Variants in VAC14 observed in about 807,000 individuals in gnomAD.
The protein encoded by VAC14 is VAC14 component of PIKFYVE complex.
VAC14 carries 47 observed loss-of-function variants against 85.3 expected under a neutral mutation model. That is an observed-to-expected ratio of 0.55 (90% confidence interval 0.44 to 0.70). The LOEUF (loss-of-function observed/expected upper bound fraction) is 0.70, where lower values mean the gene tolerates loss of function less well. Ranked by LOEUF, VAC14 falls within the 30% of genes least tolerant of loss-of-function variation. VAC14 has a pLI of 0.00. For synonymous variants in VAC14, 447 were observed against 430.5 expected (o/e 1.04, Z -0.47); for missense variants, 861 against 1,004.3 (o/e 0.86, Z 1.93).
chr16:70,786,295 C>A lies in VAC14; in HGVS notation c.175G>T (p.Glu59Ter). The A allele has an allele frequency of 6.2e-7, 1 of 1,614,226 alleles. No homozygotes were observed. Among genetic ancestry groups the A allele is most frequent in the Non-Finnish European group, 8.5e-7 (1 of 1,180,030 alleles). ...TGGGGGTGCTGAGACAGGGCAAACTCCTGGGACAGGGTCTGGATCACATGC... is the reference window on the plus strand; with the variant it reads ...TGGGGGTGCTGAGACAGGGCAAACTACTGGGACAGGGTCTGGATCACATGC... ...IKHVIQTLSQ[E>*]FALSQHPHSR... The change falls in exon 2 of 19, where the codon GAG (glutamate) becomes TAG (stop). Residue 59 changes from glutamate to a stop codon, truncating the protein, a stop_gained. Coordinates refer to ENST00000261776, the MANE Select transcript of VAC14 (RefSeq NM_018052.5). LOFTEE classifies it high-confidence loss of function.
intron 13 of VAC14, among the ~76,000 whole-genome samples, chr16:70,742,806 G>C (rs1336024445): frequency 6.6e-6 from 1 of 152,264 alleles, no homozygotes; most frequent in African/African-American, 2.4e-5. Flanking sequence ...GGGAGGCTGA[G>C]GCTGTAAGGC....
At chr16:70,689,417 G>C (rs2053558296) in intron 18 of VAC14, 1 of 985,260 alleles carries the variant, frequency 1.0e-6, no homozygotes, top group African/African-American at 1.7e-5. Context: ...CGAACTCTTG[G>C]CCATGAGTTC....
chr16:70,776,245 T>A (rs1017701849), intron 9 of VAC14, among the ~76,000 whole-genome samples: 3 of 151,952 alleles, frequency 2.0e-5, no homozygotes. Flanking sequence ...TGACTAAAGG[T>A]GTGTGCCACC....
chr16:70,775,936 A>G (rs1472412512), intron 9 of VAC14, among the ~76,000 whole-genome samples: 4 of 152,154 alleles, frequency 2.6e-5, no homozygotes, highest in Non-Finnish European at 5.9e-5. Context: ...AGGTTCTACC[A>G]ATTTATGTGT....
At chr16:70,692,183 G>T in intron 18 of VAC14, 1 of 737,654 alleles carries the variant, frequency 1.4e-6, no homozygotes, top group Non-Finnish European at 1.7e-6. Flanking sequence ...GTGGGAGCCG[G>T]CACTCCTCTG....
At chr16:70,788,087 C>G (rs1451891087) in intron 1 of VAC14, among the ~76,000 whole-genome samples, 1 of 152,212 alleles carries the variant, frequency 6.6e-6, no homozygotes, top group African/African-American at 2.4e-5. Flanking sequence ...CAAATGGGGT[C>G]TCAAGTTGAC....
intron 14 of VAC14, among the ~76,000 whole-genome samples, chr16:70,701,522 C>T (rs2053828303): frequency 6.6e-6 from 1 of 150,666 alleles, no homozygotes; most frequent in South Asian, 2.1e-4. Context: ...TACACGGCCA[C>T]CCTGCCCCAC....
At chr16:70,697,546 T>C (rs2053738651) in intron 15 of VAC14, among the ~76,000 whole-genome samples, 3 of 152,034 alleles carry the variant, frequency 2.0e-5, no homozygotes, top group Non-Finnish European at 4.4e-5. Context: ...CTTGGCAAAA[T>C]CACAGTAATT....
Position 70,688,097 on chromosome 16 carries a change from A to G in VAC14, c.2187-7T>C, listed in dbSNP as rs2053532637. On this transcript the variant is annotated splice_region_variant and splice_polypyrimidine_tract_variant and intron_variant, in intron 18 of 18. Coordinates refer to ENST00000261776, the MANE Select transcript of VAC14 (RefSeq NM_018052.5). ...GGCTGCCTTTAGACTGTCTCTGGGA[A>G]GAGGGAGCAGAAATGCTCAGTGTCA... The G allele has an allele frequency of 6.4e-7, 1 of 1,552,154 alleles. No individual in the cohort carries two copies. Among genetic ancestry groups the G allele is most frequent in the Non-Finnish European group, 8.8e-7 (1 of 1,142,404 alleles).
Position 70,689,463 on chromosome 16 carries a change from A to C in VAC14, c.2187-1373T>G, listed in dbSNP as rs566832842. The C allele has an allele frequency of 3.2e-6, 3 of 942,974 alleles. No individual in the cohort carries two copies. The African/African-American group carries it at 6.9e-5, about 22-fold the overall frequency. The allele number at this position is 942,974 out of a possible 1,614,324, so 58.4% of individuals were successfully genotyped here. ...GAAGAGTCAACGGCCAGAGCCTGACAGTTGCTTCAGGTGGCCACCAGCCTG... is the reference window on the plus strand; with the variant it reads ...GAAGAGTCAACGGCCAGAGCCTGACCGTTGCTTCAGGTGGCCACCAGCCTG... On this transcript the variant is annotated intron_variant, in intron 18 of 18. Transcript: ENST00000261776.
intron 14 of VAC14, among the ~76,000 whole-genome samples, chr16:70,720,143 C>A (rs560918776): frequency 6.6e-6 from 1 of 152,128 alleles, no homozygotes; most frequent in Admixed American, 6.5e-5. Flanking sequence ...GCAAGATGAA[C>A]CTCTTGTGTT....
intron 8 of VAC14, 42 bp from the exon 9 acceptor site, chr16:70,780,981 C>G: frequency 6.2e-7 from 1 of 1,610,524 alleles, no homozygotes; most frequent in Non-Finnish European, 8.5e-7. Flanking sequence ...ATTTGGATGC[C>G]TGTCTCTCTA....
intron 1 of VAC14, among the ~76,000 whole-genome samples, chr16:70,790,004 G>A (rs970508923): frequency 3.9e-5 from 6 of 152,310 alleles, no homozygotes; most frequent in South Asian, 2.1e-4. Context: ...CATTCCCCGA[G>A]CAACTGGACA....
At chr16:70,793,473 A>T (rs1482494023) in intron 1 of VAC14, among the ~76,000 whole-genome samples, 2 of 152,236 alleles carry the variant, frequency 1.3e-5, no homozygotes, top group Non-Finnish European at 2.9e-5. Context: ...CTAAAAATCA[A>T]ATCTAGGCTT....
chr16:70,784,052 G>T, intron 5 of VAC14, 61 bp downstream of exon 5: 1 of 1,374,836 alleles, frequency 7.3e-7, no homozygotes, highest in Admixed American at 1.7e-5. Context: ...TGACAAGAGT[G>T]TGCTAGAGAG....
chr16:70,696,277 C>G (rs2053707856), intron 16 of VAC14, among the ~76,000 whole-genome samples: 1 of 152,180 alleles, frequency 6.6e-6, no homozygotes, highest in Non-Finnish European at 1.5e-5. Flanking sequence ...CTTTGGGAGG[C>G]CGAGATGGGC....
chr16:70,713,827 G>A (rs2054090152), intron 14 of VAC14, among the ~76,000 whole-genome samples: 1 of 152,020 alleles, frequency 6.6e-6, no homozygotes, highest in African/African-American at 2.4e-5. Flanking sequence ...TCTGGCGTGA[G>A]CCACTACGCC....
At chr16:70,795,258 A>C (rs1596972811) in intron 1 of VAC14, among the ~76,000 whole-genome samples, 1 of 152,166 alleles carries the variant, frequency 6.6e-6, no homozygotes, top group East Asian at 1.9e-4. Context: ...CGAGGTCAGG[A>C]GATCGGGACC....
Position 70,751,810 on chromosome 16 carries a change from C to A in VAC14, c.1372-7231G>T, listed in dbSNP as rs1051399326. Among the ~76,000 whole-genome samples, 4 of 152,322 alleles carry A rather than the reference C, an allele frequency of 2.6e-5. No individual in the cohort carries two copies. In the South Asian group the frequency reaches 8.3e-4, roughly 32 times the overall value. ...GGCACCGGGGCCAGAGGCCTCCGCC[C>A]TGGACACAAAGTAAACATGAGCTGC... On this transcript the variant is annotated intron_variant, in intron 12 of 18. Transcript: ENST00000261776.
Sources: allele counts gnomAD v4.1 joint callset (sites outside exome capture counted in the v4.1 genomes callset), GRCh38; gene constraint gnomAD v4.1.1; transcripts MANE v1.5; gene names NCBI Gene and HGNC (gene_info 2026-07-23, HGNC 2026-07-21).